The following CCSER2 variants were observed in gnomAD, a reference collection of about 807,000 sequenced individuals.
The protein encoded by CCSER2 is coiled-coil serine rich protein 2.
A neutral mutation model predicts 92.3 loss-of-function variants in CCSER2; 46 were observed. That is an observed-to-expected ratio of 0.50 (90% CI 0.39 to 0.64). The LOEUF is 0.64. CCSER2 is among the 30% of genes least tolerant of loss of function. CCSER2 has a pLI of 0.00. For synonymous variants in CCSER2, 433 were observed against 431.4 expected (o/e 1.00, Z -0.04); for missense variants, 1,244 against 1,238.9 (o/e 1.00, Z -0.06).
In CCSER2 at chr10:84,416,928, C is replaced by CA. The variant is rs992275175; in HGVS notation, c.1615-833dup. 3.9e-4 allele frequency among the ~76,000 whole-genome samples: 57 copies of CA among 145,752 alleles called. No homozygotes were observed. The East Asian group carries it at 7.2e-3, about 18-fold the overall frequency. Reference sequence around the variant, plus strand: ...CCTGGGTGACAGCGAGACTCCGTCTCAAAAAAAAAAGAGTTTTTTATGACC... The same window carrying CA: ...CCTGGGTGACAGCGAGACTCCGTCTCAAAAAAAAAAAGAGTTTTTTATGACC... On this transcript the variant is annotated intron_variant, in intron 3 of 9. Coordinates refer to ENST00000372088, the MANE Select transcript of CCSER2 (RefSeq NM_001284240.2).
At chr10:84,465,290 T>TGTGTGTGTGTGTGA (rs1163509232) in intron 7 of CCSER2, among the ~76,000 whole-genome samples, 3 of 100,708 alleles carry the variant, frequency 3.0e-5, no homozygotes, top group East Asian at 3.2e-4. Context: ...TGTGTGTGTG[T>TGTGTGTGTGTGTGA]GAAAAAGTTT....
At chr10:84,392,922 G>A (rs1841607351) in intron 3 of CCSER2, among the ~76,000 whole-genome samples, 3 of 152,102 alleles carry the variant, frequency 2.0e-5, no homozygotes, top group Admixed American at 2.0e-4. Flanking sequence ...CAGTTTAAGG[G>A]TTAGGCATGC....
At chr10:84,476,229 A>G (rs955433610) in intron 8 of CCSER2, among the ~76,000 whole-genome samples, 3 of 152,142 alleles carry the variant, frequency 2.0e-5, no homozygotes, top group African/African-American at 4.8e-5. Flanking sequence ...TTTATTTTGT[A>G]TAAGGAAATT....
At chr10:84,486,357 C>T (rs1847809200) in intron 9 of CCSER2, among the ~76,000 whole-genome samples, 2 of 152,216 alleles carry the variant, frequency 1.3e-5, no homozygotes, top group South Asian at 4.1e-4. Context: ...TACACTCCCA[C>T]CAACAGTGTA....
At chr10:84,502,907 C>T (rs12783237) in intron 9 of CCSER2, among the ~76,000 whole-genome samples, 8,864 of 152,100 alleles carry the variant, frequency 0.058, 370 homozygotes, top group Admixed American at 0.1. Flanking sequence ...TAGTGGCCAG[C>T]AGTGTTCAAA....
chr10:84,442,483 C>G (rs1844632813), intron 6 of CCSER2, among the ~76,000 whole-genome samples: 1 of 152,194 alleles, frequency 6.6e-6, no homozygotes, highest in Admixed American at 6.5e-5. Flanking sequence ...ATTTATCTAT[C>G]TATATCTACA....
intron 1 of CCSER2, among the ~76,000 whole-genome samples, chr10:84,347,638 G>A (rs971393292): frequency 3.0e-4 from 46 of 151,796 alleles, no homozygotes; most frequent in Admixed American, 5.2e-4. Flanking sequence ...GCTGCTGGGC[G>A]GAGACGCTCC....
chr10:84,429,682 A>G (rs1193864950), intron 5 of CCSER2, among the ~76,000 whole-genome samples: 1 of 142,152 alleles, frequency 7.0e-6, no homozygotes, highest in African/African-American at 2.6e-5. Context: ...GTTAAATTAT[A>G]ATGCGCCTCT....
chr10:84,406,897 A>AT (rs570283988), intron 3 of CCSER2, among the ~76,000 whole-genome samples: 3 of 151,648 alleles, frequency 2.0e-5, no homozygotes, highest in South Asian at 4.2e-4. Flanking sequence ...GAGTAAGTTA[A>AT]TTTTTTTTTC....
chr10:84,478,202 A>G (rs1408439818), intron 9 of CCSER2, among the ~76,000 whole-genome samples: 1 of 152,220 alleles, frequency 6.6e-6, no homozygotes, highest in African/African-American at 2.4e-5. Context: ...TATGTATTCC[A>G]TGCTTATTTG....
intron 1 of CCSER2, among the ~76,000 whole-genome samples, chr10:84,346,339 CAGGCGTGAGCCA>C (rs1329350244): frequency 1.3e-5 from 2 of 151,750 alleles, no homozygotes; most frequent in African/African-American, 4.8e-5. Context: ...GCTGGGATTA[CAGGCGTGAGCCA>C]CCGCACCCAG....
At chr10:84,501,834 AATATAT>A (rs1554868293) in intron 9 of CCSER2, among the ~76,000 whole-genome samples, 2 of 40,174 alleles carry the variant, frequency 5.0e-5, no homozygotes, top group Admixed American at 4.0e-4. Context: ...AAAAAAAAAA[AATATAT>A]ATATATATAT....
chr10:84,457,301 A>AAATATATATAAT (rs1845742881), intron 6 of CCSER2, among the ~76,000 whole-genome samples: 4 of 53,394 alleles, frequency 7.5e-5, no homozygotes, highest in Non-Finnish European at 1.3e-4. Flanking sequence ...TATTATATAT[A>AAATATATATAAT]ATATGTTATA....
At chr10:84,332,750 A>C (rs1035876841) in intron 1 of CCSER2, among the ~76,000 whole-genome samples, 1 of 152,020 alleles carries the variant, frequency 6.6e-6, no homozygotes, top group Non-Finnish European at 1.5e-5. Context: ...CTAGGAGTTC[A>C]AGACCAGCCT....
At chr10:84,412,179 C>A (rs1300393033) in intron 3 of CCSER2, among the ~76,000 whole-genome samples, 1 of 151,986 alleles carries the variant, frequency 6.6e-6, no homozygotes, top group Non-Finnish European at 1.5e-5. Flanking sequence ...GTGCTACTGC[C>A]TTCTGTTTGC....
At chr10:84,488,660 A>G (rs1013003784) in intron 9 of CCSER2, among the ~76,000 whole-genome samples, 16 of 152,174 alleles carry the variant, frequency 1.1e-4, no homozygotes, top group African/African-American at 3.1e-4. Flanking sequence ...CTAGCAGTAT[A>G]TCAATTTTGT....
intron 3 of CCSER2, among the ~76,000 whole-genome samples, chr10:84,375,478 G>A (rs1028117666): frequency 4.6e-5 from 7 of 151,086 alleles, no homozygotes; most frequent in South Asian, 2.1e-4. Flanking sequence ...CTGAAGTTAC[G>A]TGAATTTTTT....
rs1167460274 is a variant in CCSER2 at position 84,501,834 on chromosome 10, A to AAAATAT, written c.2326-11614_2326-11613insAATATA. Among the ~76,000 whole-genome samples, 20 of 40,170 alleles carry AAAATAT rather than the reference A, an allele frequency of 5.0e-4. 2 individuals are homozygous for AAAATAT. The highest frequency in any genetic ancestry group is 2.4e-3 in the East Asian group (3 of 1,250). The allele number at this position is 40,170 out of a possible 152,430, so 26.4% of individuals were successfully genotyped here. A position where few individuals can be genotyped will look rare whatever the true frequency, so the allele number is the denominator to read the frequency against. On this transcript the variant is annotated intron_variant, in intron 9 of 9. Transcript: ENST00000372088. Reference sequence around the variant, plus strand: ...TTAGTCATCTAGGGAAAAAAAAAAAAATATATATATATATATATATATATA... The same window carrying AAAATAT: ...TTAGTCATCTAGGGAAAAAAAAAAAAAAATATATATATATATATATATATATATATA...
chr10:84,428,014 T>C lies in CCSER2; in HGVS notation c.1868+2121T>C, dbSNP rs534996549. On this transcript the variant is annotated intron_variant, in intron 5 of 9. Transcript: ENST00000372088. The stretch of plus-strand genomic sequence containing the variant: ...TTTGGCTGTATCAACTCTTCTTTAC[T>C]GGTTCCTACCTGGAGCTTACAAAAG... 8.5e-4 allele frequency among the ~76,000 whole-genome samples: 129 copies of C among 152,338 alleles called. 4 individuals carry two copies. The South Asian group carries it at 0.026, about 31-fold the overall frequency.
Sources: gnomAD v4.1 joint callset for allele counts (sites outside exome capture counted in the v4.1 genomes callset) on GRCh38, gnomAD v4.1.1 for gene constraint, MANE v1.5 for transcripts, NCBI Gene and HGNC (gene_info 2026-07-23, HGNC 2026-07-21) for gene names.